Variants in CTNNA1 observed in about 807,000 individuals in gnomAD.
The protein encoded by CTNNA1 is catenin alpha-1.
A neutral mutation model predicts 98.4 loss-of-function variants in CTNNA1; 37 were observed. That is an observed-to-expected ratio of 0.38 (90% confidence interval 0.29 to 0.49). The LOEUF (loss-of-function observed/expected upper bound fraction) is 0.49. Among genes scored for constraint, CTNNA1 ranks in the 20% least tolerant of loss-of-function variants. CTNNA1 has a pLI of 0.95. For synonymous variants in CTNNA1, 404 were observed against 413.2 expected, an observed-to-expected ratio of 0.98 and a Z score of 0.27; for missense variants, 761 against 1,147.2, an observed-to-expected ratio of 0.66 and a Z score of 4.86.
At position 138,888,215 on chromosome 5, in the gene CTNNA1, A is replaced by T. The variant is rs988295619; in HGVS notation, c.1296+573A>T. Reference sequence around the variant, plus strand: ...TTACATTTGCTTGGTAGAAATCTGTATGTTAGTAGTTGGTTTGTAGGGTGG... The same window carrying T: ...TTACATTTGCTTGGTAGAAATCTGTTTGTTAGTAGTTGGTTTGTAGGGTGG... On this transcript the variant is annotated intron_variant, in intron 9 of 17. Transcript: ENST00000302763. 5.3e-5 allele frequency among the ~76,000 whole-genome samples: 8 copies of T among 152,208 alleles called. No individual in the cohort carries two copies. The East Asian group carries it at 1.5e-3, about 29-fold the overall frequency.
chr5:138,801,496 G>T (rs1206059599), intron 3 of CTNNA1, among the ~76,000 whole-genome samples: 1 of 152,094 alleles, frequency 6.6e-6, no homozygotes, highest in Non-Finnish European at 1.5e-5. Context: ...CAAAATCCAC[G>T]TATAAATAAA....
At chr5:138,808,485 A>G (rs999693303) in intron 3 of CTNNA1, among the ~76,000 whole-genome samples, 1 of 152,256 alleles carries the variant, frequency 6.6e-6, no homozygotes, top group East Asian at 1.9e-4. Flanking sequence ...CCTTTTAACT[A>G]TATAATTCAT....
At chr5:138,766,141 TAC>T (rs35034978) in intron 1 of CTNNA1, among the ~76,000 whole-genome samples, 1 of 151,960 alleles carries the variant, frequency 6.6e-6, no homozygotes. Context: ...GAGACACACA[TAC>T]ACACACACAG....
intron 7 of CTNNA1, among the ~76,000 whole-genome samples, chr5:138,843,235 T>G (rs1428578845): frequency 6.6e-6 from 1 of 152,236 alleles, no homozygotes; most frequent in Non-Finnish European, 1.5e-5. Flanking sequence ...AAGTTGATGA[T>G]TTTTAAAGTT....
intron 1 of CTNNA1, among the ~76,000 whole-genome samples, chr5:138,770,748 T>A (rs533473849): frequency 2.0e-5 from 3 of 151,928 alleles, no homozygotes; most frequent in Non-Finnish European, 2.9e-5. Flanking sequence ...GTCAGGAGAG[T>A]GAGACCCTCC....
At chr5:138,832,582 T>A (rs1319248952) in intron 7 of CTNNA1, among the ~76,000 whole-genome samples, 1 of 152,246 alleles carries the variant, frequency 6.6e-6, no homozygotes, top group Non-Finnish European at 1.5e-5. Flanking sequence ...TATTACCATT[T>A]TTTTTCATGA....
chr5:138,887,163 A>C (rs937273053), intron 8 of CTNNA1, among the ~76,000 whole-genome samples: 5 of 152,116 alleles, frequency 3.3e-5, no homozygotes, highest in African/African-American at 1.2e-4. Context: ...TGCCAGTTCA[A>C]CCCAGAGCTG....
chr5:138,812,007 A>G (rs1758866765), intron 4 of CTNNA1, 176 bp from the exon 5 acceptor site: 3 of 544,844 alleles, frequency 5.5e-6, no homozygotes, highest in Admixed American at 6.7e-5. Flanking sequence ...TTTTCCCACT[A>G]TGAAGCTCCT....
At chr5:138,838,961 T>C (rs1357397441) in intron 7 of CTNNA1, among the ~76,000 whole-genome samples, 1 of 151,744 alleles carries the variant, frequency 6.6e-6, no homozygotes, top group Non-Finnish European at 1.5e-5. Flanking sequence ...GTTCAAGATA[T>C]TTTAAAATTT....
chr5:138,925,911 G>C (rs1275426723), intron 13 of CTNNA1, among the ~76,000 whole-genome samples: 3 of 152,202 alleles, frequency 2.0e-5, no homozygotes, highest in African/African-American at 7.2e-5. Context: ...CAGAGTGCCT[G>C]GAGGGCCTCT....
chr5:138,811,977 T>C (rs1050982528), intron 4 of CTNNA1: 3 of 447,428 alleles, frequency 6.7e-6, no homozygotes, highest in Non-Finnish European at 1.2e-5. Context: ...TTTTGTACTT[T>C]TAGAGGCCAA....
At chr5:138,761,362 G>A (rs1752346899) in intron 1 of CTNNA1, among the ~76,000 whole-genome samples, 1 of 152,046 alleles carries the variant, frequency 6.6e-6, no homozygotes, top group African/African-American at 2.4e-5. Context: ...AGCTTCCTGA[G>A]TAGCTGGGAT....
intron 3 of CTNNA1, among the ~76,000 whole-genome samples, chr5:138,797,898 T>TAA (rs11455939): frequency 2.0e-5 from 3 of 151,420 alleles, no homozygotes; most frequent in Non-Finnish European, 4.4e-5. Context: ...AAAAAAAATT[T>TAA]AAAAAAAGCA....
At chr5:138,838,842 G>A (rs578211991) in intron 7 of CTNNA1, among the ~76,000 whole-genome samples, 37 of 151,994 alleles carry the variant, frequency 2.4e-4, no homozygotes, top group South Asian at 1.7e-3. Context: ...TGTTACCCAG[G>A]CTGGTCTTGA....
chr5:138,882,906 G>A (rs759052848), intron 7 of CTNNA1, among the ~76,000 whole-genome samples: 23 of 152,236 alleles, frequency 1.5e-4, no homozygotes, highest in Non-Finnish European at 2.6e-4. Flanking sequence ...TCGGTTCACT[G>A]CAACCTCTGC....
rs1581168018 is a variant in CTNNA1 at position 138,824,726 on chromosome 5, CTGCCTCAGACGA to C, written c.793_804del (p.Asp265_Ser268del). The C allele has an allele frequency of 6.2e-7, 1 of 1,614,246 alleles. No homozygotes were observed. Among genetic ancestry groups the C allele is most frequent in the South Asian group, 1.1e-5 (1 of 91,084 alleles). ...GGCATTTCCAATGCAGCCCAGGCCA[CTGCCTCAGACGA>C]TGCCTCACAGCACCAGGGTGGAGGA... On this transcript the variant is annotated inframe_deletion, in exon 6 of 18. Coordinates refer to ENST00000302763, the MANE Select transcript of CTNNA1 (RefSeq NM_001903.5).
At chr5:138,932,429 G>C in intron 16 of CTNNA1, 149 bp from the exon 17 acceptor site, 1 of 1,455,902 alleles carries the variant, frequency 6.9e-7, no homozygotes, top group Non-Finnish European at 9.1e-7. Flanking sequence ...GGCAAGGGCT[G>C]TGACTGCCTC....
chr5:138,824,057 TTCTA>T (rs1760378805), intron 5 of CTNNA1, among the ~76,000 whole-genome samples: 1 of 152,046 alleles, frequency 6.6e-6, no homozygotes, highest in African/African-American at 2.4e-5. Flanking sequence ...TTCATGATCT[TTCTA>T]TCGTTGGTTG....
intron 13 of CTNNA1, 131 bp from the exon 14 acceptor site, chr5:138,929,115 A>G (rs1223002654): frequency 5.4e-6 from 4 of 739,636 alleles, no homozygotes; most frequent in East Asian, 4.9e-5. Context: ...TTTATTCACC[A>G]TACTGTTCAG....
Sources: allele counts gnomAD v4.1 joint callset (sites outside exome capture counted in the v4.1 genomes callset), GRCh38; gene constraint gnomAD v4.1.1; transcripts MANE v1.5; gene names NCBI Gene and HGNC (gene_info 2026-07-23, HGNC 2026-07-21).